HHIP: variants seen among roughly 807,000 people sequenced by gnomAD.
HHIP encodes hedgehog-interacting protein.
In HHIP, 12 loss-of-function variants were observed where a neutral mutation model predicts 74.0. The observed-to-expected ratio is 0.16, with a 90% CI of 0.10 to 0.26. HHIP has a LOEUF of 0.26. Among genes scored for constraint, HHIP ranks in the 10% least tolerant of loss-of-function variants. HHIP has a pLI of 1.00. For synonymous variants in HHIP, 309 were observed against 311.6 expected (o/e 0.99, Z 0.09); for missense variants, 788 against 845.0 (o/e 0.93, Z 0.84).
At chr4:144,654,097 T>C (rs144831449) in intron 2 of HHIP, among the ~76,000 whole-genome samples, 1 of 152,304 alleles carries the variant, frequency 6.6e-6, no homozygotes, top group East Asian at 1.9e-4. Flanking sequence ...ACTTAGCATT[T>C]TTATTTACCA....
intron 5 of HHIP, 80 bp from the exon 6 acceptor site, chr4:144,707,007 A>T: frequency 8.3e-7 from 1 of 1,211,288 alleles, no homozygotes; most frequent in Admixed American, 2.0e-5. Context: ...TTGTTTTTTC[A>T]TTTATATACT....
At chr4:144,726,314 A>T (rs1281148477) in intron 11 of HHIP, among the ~76,000 whole-genome samples, 2 of 152,174 alleles carry the variant, frequency 1.3e-5, no homozygotes, top group African/African-American at 2.4e-5. Context: ...TGATTTCATT[A>T]GAAGCATTTT....
At chr4:144,698,103 C>T (rs567133559) in intron 4 of HHIP, among the ~76,000 whole-genome samples, 3 of 152,190 alleles carry the variant, frequency 2.0e-5, no homozygotes, top group South Asian at 4.2e-4. Flanking sequence ...ACGGACCAAT[C>T]GCTACATACC....
In HHIP at chr4:144,740,378, T is replaced by C. The variant is rs1231992817; in HGVS notation, c.*2421T>C. ...TTTTCAAGTGACTTAGAAAAACATATGTGCCCCAGGTGTCATTGCCTTTTC... is the reference window on the plus strand; with the variant it reads ...TTTTCAAGTGACTTAGAAAAACATACGTGCCCCAGGTGTCATTGCCTTTTC... On this transcript the variant is annotated 3_prime_UTR_variant, in exon 13 of 13. Coordinates refer to ENST00000296575, the MANE Select transcript of HHIP (RefSeq NM_022475.3). 1 of 152,202 alleles carries C rather than the reference T, an allele frequency of 6.6e-6. No homozygotes were observed. Among genetic ancestry groups the C allele is most frequent in the Non-Finnish European group, 1.5e-5 (1 of 68,024 alleles). The allele number at this position is 152,202 out of a possible 1,614,324, so 9.4% of individuals were successfully genotyped here. A position where few individuals can be genotyped will look rare whatever the true frequency, so the allele number is the denominator to read the frequency against.
chr4:144,659,824 C>G lies in HHIP; in HGVS notation c.817C>G (p.Gln273Glu). The change falls in exon 4 of 13, where the codon CAA becomes GAA. Residue 273 changes from glutamine to glutamate, a missense_variant. Around this residue, in one of 3 missense-constraint regions of HHIP, gnomAD observed 373 missense variants for 366.4 expected, o/e 1.02. Transcript: ENST00000296575. ...EPYLDIHKLV[Q>E]SGIKGGDERG... Reference sequence around the variant, plus strand: ...TTATTTGGACATTCACAAACTTGTTCAAAGTGGAATAAAGGTTGGCTTTTT... The same window carrying G: ...TTATTTGGACATTCACAAACTTGTTGAAAGTGGAATAAAGGTTGGCTTTTT... The G allele has an allele frequency of 6.2e-7, 1 of 1,611,454 alleles. No individual in the cohort carries two copies. Among genetic ancestry groups the G allele is most frequent in the Non-Finnish European group, 8.5e-7 (1 of 1,178,854 alleles).
intron 4 of HHIP, among the ~76,000 whole-genome samples, chr4:144,669,797 G>T (rs971806263): frequency 7.8e-6 from 1 of 128,682 alleles, no homozygotes; most frequent in Non-Finnish European, 1.8e-5. Flanking sequence ...AAAAATTCTT[G>T]TGGTAAGAGT....
rs1414625254 is a variant in HHIP, at chr4:144,743,541, T to A, written c.*5584T>A. 6.6e-6 allele frequency: 1 copy of A among 152,056 alleles called. No homozygotes were observed. 9.4% of individuals were successfully genotyped at this position (152,056 alleles called of 1,614,324 possible). ...GTTACTTCTCACATACATCATAAAG[T>A]CAGCCATCATCTTTCATTTAGGATT... On this transcript the variant is annotated 3_prime_UTR_variant, in exon 13 of 13. Transcript: ENST00000296575.
intron 11 of HHIP, 93 bp from the exon 12 acceptor site, chr4:144,734,648 G>T: frequency 2.0e-6 from 2 of 978,636 alleles, no homozygotes; most frequent in Non-Finnish European, 1.4e-6. Flanking sequence ...TAGAAAGTAA[G>T]AGGCATGCTT....
chr4:144,695,937 G>A (rs933068143), intron 4 of HHIP, among the ~76,000 whole-genome samples: 2 of 151,866 alleles, frequency 1.3e-5, no homozygotes, highest in African/African-American at 4.8e-5. Flanking sequence ...ATGGCAAGCA[G>A]CAAGTTAATA....
intron 4 of HHIP, among the ~76,000 whole-genome samples, chr4:144,696,182 C>T (rs994158953): frequency 7.9e-5 from 12 of 151,870 alleles, no homozygotes; most frequent in Non-Finnish European, 1.6e-4. Context: ...ATCTGAGCAA[C>T]CTTATGTGAT....
intron 1 of HHIP, among the ~76,000 whole-genome samples, chr4:144,647,444 G>T (rs991404026): frequency 6.6e-6 from 1 of 152,218 alleles, no homozygotes; most frequent in Non-Finnish European, 1.5e-5. Flanking sequence ...CCCCGTCAGA[G>T]GGGGGTGTCT....
intron 11 of HHIP, among the ~76,000 whole-genome samples, chr4:144,731,682 C>G (rs1048612745): frequency 6.6e-6 from 1 of 152,116 alleles, no homozygotes; most frequent in African/African-American, 2.4e-5. Flanking sequence ...AACCTCCCAA[C>G]ATGCTGGGAT....
intron 5 of HHIP, 25 bp downstream of exon 5, chr4:144,706,707 T>C (rs770819886): frequency 2.2e-5 from 35 of 1,561,016 alleles, no homozygotes; most frequent in Non-Finnish European, 2.9e-5. Context: ...CATCGAAGCA[T>C]AGAAATTTCT....
chr4:144,711,882 G>A (rs978221196), intron 7 of HHIP, 68 bp from the exon 8 acceptor site: 1 of 1,508,340 alleles, frequency 6.6e-7, no homozygotes. Flanking sequence ...TCCTATGTCA[G>A]GAATCTCCAG....
In HHIP at chr4:144,734,826, T is replaced by A. The variant is rs201331119; in HGVS notation, c.1846T>A (p.Tyr616Asn). Residue 616 changes from tyrosine to asparagine, a missense_variant, in exon 12 of 13, where the codon TAC becomes AAC. By Grantham distance (143) the Tyr-to-Asn change is moderately radical (BLOSUM62 -2). This residue lies in a region of HHIP where 343 missense variants were observed against 347.9 expected (regional missense o/e 0.99). Transcript: ENST00000296575. ...SECSRLCRNG[Y>N]CTPTGKCCCS... is the part of the protein sequence containing the mutation. ...GTGCTCCAGGCTCTGTCGAAACGGCTACTGCACCCCCACGGGAAAGTGCTG... is the reference window on the plus strand; with the variant it reads ...GTGCTCCAGGCTCTGTCGAAACGGCAACTGCACCCCCACGGGAAAGTGCTG... The A allele has an allele frequency of 1.2e-6, 2 of 1,613,074 alleles. No individual in the cohort carries two copies. Among genetic ancestry groups the A allele is most frequent in the Non-Finnish European group, 1.7e-6 (2 of 1,179,268 alleles).
intron 12 of HHIP, among the ~76,000 whole-genome samples, chr4:144,736,014 T>C (rs11100868): frequency 0.56 from 84,421 of 152,058 alleles, 24,031 homozygotes; most frequent in South Asian, 0.76. Context: ...ATCTTCTCTG[T>C]CTTTTTGTTG....
intron 4 of HHIP, among the ~76,000 whole-genome samples, chr4:144,670,454 TC>T (rs1729002548): frequency 1.6e-5 from 1 of 62,132 alleles, no homozygotes; most frequent in African/African-American, 5.9e-5. Context: ...GAAGAGACTG[TC>T]AAAAAAAAAA....
At chr4:144,720,738 A>T (rs1180863294) in intron 11 of HHIP, among the ~76,000 whole-genome samples, 1 of 152,074 alleles carries the variant, frequency 6.6e-6, no homozygotes, top group Non-Finnish European at 1.5e-5. Flanking sequence ...TCCCAAAGAA[A>T]CCGTCCTTGT....
intron 4 of HHIP, among the ~76,000 whole-genome samples, chr4:144,696,631 C>T (rs1002400685): frequency 2.6e-5 from 4 of 151,872 alleles, no homozygotes; most frequent in African/African-American, 7.2e-5. Context: ...TGTGTGTCTT[C>T]CAATCACAAT....
Sources: gnomAD v4.1 joint callset for allele counts (sites outside exome capture counted in the v4.1 genomes callset) on GRCh38, gnomAD v4.1.1 for gene constraint, gnomAD v4.1.1 regional missense constraint, MANE v1.5 for transcripts, NCBI Gene and HGNC (gene_info 2026-07-23, HGNC 2026-07-21) for gene names.